PCMTD1: variants seen among roughly 807,000 people sequenced by gnomAD.
The protein encoded by PCMTD1 is protein-L-isoaspartate (D-aspartate) O-methyltransferase domain containing 1.
Under a neutral mutation model 37.6 loss-of-function variants are expected in PCMTD1, and 12 were observed. The observed-to-expected ratio is 0.32, with a 90% CI of 0.20 to 0.52. PCMTD1 has a LOEUF of 0.52. Among genes scored for constraint, PCMTD1 ranks in the 20% least tolerant of loss-of-function variants. The probability of loss-of-function intolerance (pLI) is 0.97; values close to 1 mark genes in which losing one functional copy is unlikely to be tolerated. For synonymous variants in PCMTD1, 117 were observed against 135.8 expected, an observed-to-expected ratio of 0.86 and a Z score of 0.96; for missense variants, 235 against 421.3, an observed-to-expected ratio of 0.56 and a Z score of 3.87.
intron 3 of PCMTD1, among the ~76,000 whole-genome samples, chr8:51,837,626 C>T (rs1184391258): frequency 2.0e-5 from 3 of 152,050 alleles, no homozygotes; most frequent in Non-Finnish European, 4.4e-5. Context: ...TCTCAAACTG[C>T]ATATTCTCAC....
chr8:51,820,645 A>G lies in PCMTD1; in HGVS notation c.780T>C (p.Asn260=). 2 of 1,613,784 alleles carry G rather than the reference A, an allele frequency of 1.2e-6. No homozygotes were observed. Among genetic ancestry groups the G allele is most frequent in the Non-Finnish European group, 1.7e-6 (2 of 1,179,922 alleles). ...YIRRTLRNFI[N]DEMQAKGIPQ... is the part of the protein sequence containing the mutation. ...GAATCCCCTTGGCCTGCATCTCATC[A>G]TTTATGAAATTTCTAAGTGTGCGTC... is the stretch of plus-strand genomic sequence containing the variant. Residue 260 remains asparagine, a synonymous_variant, in exon 6 of 6, where the codon AAT becomes AAC. Coordinates refer to ENST00000522514, the MANE Select transcript of PCMTD1 (RefSeq NM_052937.4).
At chr8:51,886,568 A>G (rs1396269002) in intron 1 of PCMTD1, among the ~76,000 whole-genome samples, 1 of 152,192 alleles carries the variant, frequency 6.6e-6, no homozygotes, top group Admixed American at 6.5e-5. Flanking sequence ...GGTGCCCCCA[A>G]GATTCTACAA....
At chr8:51,858,010 A>G (rs1368535297) in intron 2 of PCMTD1, among the ~76,000 whole-genome samples, 1 of 151,940 alleles carries the variant, frequency 6.6e-6, no homozygotes, top group Non-Finnish European at 1.5e-5. Flanking sequence ...TGAATAAATT[A>G]ATAATAATAA....
intron 3 of PCMTD1, among the ~76,000 whole-genome samples, chr8:51,833,943 G>T (rs538658235): frequency 4.6e-5 from 7 of 152,066 alleles, no homozygotes; most frequent in Middle Eastern, 3.4e-3. Context: ...CCTCACTTAG[G>T]TCTTCAGAAG....
chr8:51,843,295 C>G (rs1471829677), intron 3 of PCMTD1, among the ~76,000 whole-genome samples: 1 of 151,890 alleles, frequency 6.6e-6, no homozygotes, highest in East Asian at 1.9e-4. Flanking sequence ...ATCTGCAATA[C>G]ATAAGAGTAA....
intron 2 of PCMTD1, among the ~76,000 whole-genome samples, chr8:51,855,174 C>CAAAA (rs1306890644): frequency 1.4e-4 from 6 of 41,704 alleles, no homozygotes; most frequent in Admixed American, 3.0e-4. Flanking sequence ...AACTCCATCT[C>CAAAA]AAAAAAAAAA....
intron 3 of PCMTD1, among the ~76,000 whole-genome samples, chr8:51,841,652 A>G (rs1168670902): frequency 1.4e-5 from 2 of 140,900 alleles, no homozygotes; most frequent in African/African-American, 4.9e-5. Context: ...CTCCTTTAAC[A>G]TACTCTTCTA....
chr8:51,864,194 CTG>C (rs2038516864), intron 1 of PCMTD1, among the ~76,000 whole-genome samples: 1 of 152,090 alleles, frequency 6.6e-6, no homozygotes, highest in South Asian at 2.1e-4. Context: ...ATTTTATGTC[CTG>C]TTTAAGAGAA....
At chr8:51,885,715 G>A (rs1374328164) in intron 1 of PCMTD1, among the ~76,000 whole-genome samples, 2 of 152,288 alleles carry the variant, frequency 1.3e-5, no homozygotes, top group East Asian at 3.9e-4. Flanking sequence ...AACAGTAAAT[G>A]ACACTAAATA....
chr8:51,841,773 C>T (rs2038150026), intron 3 of PCMTD1, among the ~76,000 whole-genome samples: 1 of 152,082 alleles, frequency 6.6e-6, no homozygotes, highest in Non-Finnish European at 1.5e-5. Flanking sequence ...AAGGCCTTTA[C>T]TTGTCTAGCT....
intron 1 of PCMTD1, among the ~76,000 whole-genome samples, chr8:51,881,763 G>C (rs2038796033): frequency 6.6e-6 from 1 of 152,116 alleles, no homozygotes; most frequent in South Asian, 2.1e-4. Flanking sequence ...CTCGGTGTAA[G>C]TCAAAAGCCA....
chr8:51,895,811 T>A (rs1308462236), intron 1 of PCMTD1: 1 of 152,208 alleles, frequency 6.6e-6, no homozygotes, highest in African/African-American at 2.4e-5. Context: ...GCCATTTAGG[T>A]ATGAATCCAA....
chr8:51,885,282 C>A (rs2038849889), intron 1 of PCMTD1, among the ~76,000 whole-genome samples: 1 of 152,172 alleles, frequency 6.6e-6, no homozygotes, highest in Admixed American at 6.5e-5. Flanking sequence ...GATATCTTCG[C>A]TTCTTGGCAA....
intron 2 of PCMTD1, among the ~76,000 whole-genome samples, chr8:51,848,256 C>T (rs1007646760): frequency 3.4e-5 from 5 of 149,080 alleles, no homozygotes; most frequent in African/African-American, 5.0e-5. Context: ...CACTACAATC[C>T]GGGCTGGGCA....
At chr8:51,856,039 A>G (rs914364489) in intron 2 of PCMTD1, among the ~76,000 whole-genome samples, 5 of 152,152 alleles carry the variant, frequency 3.3e-5, no homozygotes, top group Admixed American at 1.3e-4. Flanking sequence ...GGATCTCCCT[A>G]ATCTTTTGGC....
chr8:51,861,531 C>A (rs149137914), intron 1 of PCMTD1, among the ~76,000 whole-genome samples: 1 of 152,042 alleles, frequency 6.6e-6, no homozygotes, highest in African/African-American at 2.4e-5. Context: ...CCACTAGTCA[C>A]ACATGGCTAC....
At chr8:51,865,107 C>T (rs1415443216) in intron 1 of PCMTD1, among the ~76,000 whole-genome samples, 2 of 152,054 alleles carry the variant, frequency 1.3e-5, no homozygotes, top group African/African-American at 4.8e-5. Context: ...TGGAAATGTA[C>T]AACCTACCCA....
chr8:51,874,508 T>C (rs2038685021), intron 1 of PCMTD1, among the ~76,000 whole-genome samples: 1 of 152,206 alleles, frequency 6.6e-6, no homozygotes, highest in Non-Finnish European at 1.5e-5. Context: ...CAATAAACTG[T>C]TTAAAAATTA....
intron 1 of PCMTD1, among the ~76,000 whole-genome samples, chr8:51,873,400 AATTTC>A (rs1164073220): frequency 1.3e-5 from 2 of 152,334 alleles, no homozygotes; most frequent in South Asian, 4.1e-4. Context: ...ACTATAGTTT[AATTTC>A]ATTTACTGGA....
Sources: gnomAD v4.1 joint callset for allele counts (sites outside exome capture counted in the v4.1 genomes callset) on GRCh38, gnomAD v4.1.1 for gene constraint, MANE v1.5 for transcripts, NCBI Gene and HGNC (gene_info 2026-07-23, HGNC 2026-07-21) for gene names.